OLFM2: variants seen among roughly 807,000 people sequenced by gnomAD.
The protein encoded by OLFM2 is olfactomedin 2.
A neutral mutation model predicts 43.9 loss-of-function variants in OLFM2; 20 were observed. The observed-to-expected ratio is 0.46, with a 90% CI of 0.32 to 0.66. The LOEUF (loss-of-function observed/expected upper bound fraction) is 0.66. Among genes scored for constraint, OLFM2 ranks in the 30% least tolerant of loss-of-function variants. OLFM2 has a pLI of 0.04. For synonymous variants in OLFM2, 268 were observed against 278.6 expected, an observed-to-expected ratio of 0.96 and a Z score of 0.38; for missense variants, 416 against 643.6, an observed-to-expected ratio of 0.65 and a Z score of 3.83.
chr19:9,907,385 G>A (rs537967564), intron 1 of OLFM2, among the ~76,000 whole-genome samples: 98 of 152,088 alleles, frequency 6.4e-4, no homozygotes, highest in African/African-American at 2.3e-3. Flanking sequence ...AACCCGGGAG[G>A]TGATTGAGGG....
At chr19:9,878,682 A>G (rs960682036) in intron 1 of OLFM2, among the ~76,000 whole-genome samples, 1 of 152,124 alleles carries the variant, frequency 6.6e-6, no homozygotes, top group African/African-American at 2.4e-5. Flanking sequence ...AGGAAATACC[A>G]GTGGCTGTTT....
intron 1 of OLFM2, among the ~76,000 whole-genome samples, chr19:9,887,497 C>T (rs1293034640): frequency 6.6e-6 from 1 of 151,926 alleles, no homozygotes; most frequent in Non-Finnish European, 1.5e-5. Flanking sequence ...TTCTCTTATA[C>T]CAATGCATCA....
At chr19:9,889,741 G>T (rs1245084342) in intron 1 of OLFM2, among the ~76,000 whole-genome samples, 1 of 152,122 alleles carries the variant, frequency 6.6e-6, no homozygotes, top group African/African-American at 2.4e-5. Flanking sequence ...GTGCGCCAAT[G>T]CACTGGCGGA....
At chr19:9,912,559 A>C (rs775277334) in intron 1 of OLFM2, among the ~76,000 whole-genome samples, 8 of 151,948 alleles carry the variant, frequency 5.3e-5, no homozygotes, top group Non-Finnish European at 8.8e-5. Context: ...GCATATCTGG[A>C]GGAGGCCCAG....
intron 1 of OLFM2, among the ~76,000 whole-genome samples, chr19:9,880,822 T>A (rs949898087): frequency 6.6e-6 from 1 of 152,080 alleles, no homozygotes; most frequent in Non-Finnish European, 1.5e-5. Flanking sequence ...ACAGCAGACC[T>A]AGTAAACAAA....
At position 9,936,473 on chromosome 19, in the gene OLFM2, G is replaced by A. The variant is rs1208817944; in HGVS notation, c.-107C>T. 3.7e-5 allele frequency: 30 copies of A among 808,926 alleles called. No homozygotes were observed. Among genetic ancestry groups the A allele is most frequent in the Non-Finnish European group, 4.3e-5 (29 of 668,290 alleles). 50.1% of individuals were successfully genotyped at this position (808,926 alleles called of 1,614,324 possible). On this transcript the variant is annotated 5_prime_UTR_variant, in exon 1 of 6. Transcript: ENST00000264833. ...GCCCGCCCGGCCGGGGCGACCCTGC[G>A]CCGCCGCCTCCCCCGCCTCGCCGGC...
intron 5 of OLFM2, among the ~76,000 whole-genome samples, chr19:9,855,175 G>C (rs2046305816): frequency 6.6e-6 from 1 of 151,566 alleles, no homozygotes; most frequent in Non-Finnish European, 1.5e-5. Flanking sequence ...GTTTCTTGGG[G>C]AACTGCATGG....
chr19:9,904,707 A>G (rs1423716112), intron 1 of OLFM2, among the ~76,000 whole-genome samples: 1 of 151,966 alleles, frequency 6.6e-6, no homozygotes, highest in Non-Finnish European at 1.5e-5. Context: ...GAGGACAGAA[A>G]AGCAACTATT....
At chr19:9,929,046 A>T (rs2086468656) in intron 1 of OLFM2, among the ~76,000 whole-genome samples, 1 of 151,866 alleles carries the variant, frequency 6.6e-6, no homozygotes, top group African/African-American at 2.4e-5. Context: ...GCAAGACCCC[A>T]TCTCAAAAAG....
rs1382638570 is a variant in OLFM2 at position 9,856,080 on chromosome 19, C to A, written c.687+727G>T. ...AACATCATTGTTGTCATCATGTTAA[C>A]TAGCATTTGTTGTTGTTTTTGTTTT... is the stretch of plus-strand genomic sequence containing the variant. On this transcript the variant is annotated intron_variant, in intron 5 of 5. Coordinates refer to ENST00000264833, the MANE Select transcript of OLFM2 (RefSeq NM_058164.4). This position sits in a 1 kb window ranked among gnomAD's most constrained non-coding sequence, Gnocchi z 4.0. Among the ~76,000 whole-genome samples the A allele has an allele frequency of 6.6e-6, 1 of 152,138 alleles. No individual in the cohort carries two copies. Among genetic ancestry groups the A allele is most frequent in the Non-Finnish European group, 1.5e-5 (1 of 68,018 alleles).
intron 1 of OLFM2, among the ~76,000 whole-genome samples, chr19:9,912,157 C>G (rs895424366): frequency 2.6e-5 from 4 of 152,084 alleles, no homozygotes; most frequent in African/African-American, 2.4e-5. Flanking sequence ...AGGACATACC[C>G]AAATAATAAA....
chr19:9,876,598 G>C (rs974225179), intron 1 of OLFM2, among the ~76,000 whole-genome samples: 2 of 152,144 alleles, frequency 1.3e-5, no homozygotes, highest in Non-Finnish European at 2.9e-5. Flanking sequence ...CACATTCCAG[G>C]GTTTCAAAGA....
chr19:9,913,549 C>T (rs2144993861), intron 1 of OLFM2: 1 of 1,235,924 alleles, frequency 8.1e-7, no homozygotes, highest in Non-Finnish European at 1.0e-6. Flanking sequence ...GCAGCGTCTG[C>T]GACATCCAGT....
intron 2 of OLFM2, among the ~76,000 whole-genome samples, chr19:9,859,169 C>A (rs1022061842): frequency 6.6e-6 from 1 of 152,204 alleles, no homozygotes; most frequent in African/African-American, 2.4e-5. Context: ...ACTCAGCAGC[C>A]TAATACCCAC....
In OLFM2 at chr19:9,857,752, C is replaced by T. The variant is rs766387397; in HGVS notation, c.323G>A (p.Arg108Gln). ...GGCCGAGAGGGACCCATCAGCTGCCCGGAGCCGCGCATCCAGGCTCCGCAT... is the reference window on the plus strand; with the variant it reads ...GGCCGAGAGGGACCCATCAGCTGCCTGGAGCCGCGCATCCAGGCTCCGCAT... ...TLMRSLDARLRAADGSLSAKS... is the reference protein window; with the variant it reads ...TLMRSLDARLQAADGSLSAKS... Residue 108 changes from arginine (R) to glutamine (Q), a missense_variant, in exon 3 of 6, where the codon CGG becomes CAG. Physicochemically the swap from Arg to Gln is conservative, Grantham distance 43. Coordinates refer to ENST00000264833, the MANE Select transcript of OLFM2 (RefSeq NM_058164.4). The surrounding 1 kb of genome is among the most constrained non-coding windows in gnomAD (Gnocchi z 5.7). The T allele has an allele frequency of 5.0e-6, 8 of 1,614,004 alleles. No individual in the cohort carries two copies. Among genetic ancestry groups the T allele is most frequent in the South Asian group, 1.1e-5 (1 of 91,072 alleles).
intron 1 of OLFM2, among the ~76,000 whole-genome samples, chr19:9,920,741 CAA>C (rs557455889): frequency 0.021 from 2,653 of 126,558 alleles, 95 homozygotes; most frequent in African/African-American, 0.07. Context: ...ACTAAACATA[CAA>C]AAAAAAAAAA....
At chr19:9,913,318 T>C (rs1025592949) in intron 1 of OLFM2, among the ~76,000 whole-genome samples, 1 of 152,002 alleles carries the variant, frequency 6.6e-6, no homozygotes, top group African/African-American at 2.4e-5. Flanking sequence ...CGTCCGACCC[T>C]GGAACCCCGA....
At position 9,854,009 on chromosome 19, in the gene OLFM2, G is replaced by A. The variant is rs915685287; in HGVS notation, c.*177C>T. On this transcript the variant is annotated 3_prime_UTR_variant, in exon 6 of 6. Coordinates refer to ENST00000264833, the MANE Select transcript of OLFM2 (RefSeq NM_058164.4). This position sits in a 1 kb window ranked among gnomAD's most constrained non-coding sequence, Gnocchi z 9.5. The stretch of plus-strand genomic sequence containing the variant: ...AAGCAGAGATCAATAAAGGAGAAGA[G>A]GGGAAATTGAAAAAATAGACAGAAA... 9 of 610,854 alleles carry A rather than the reference G, an allele frequency of 1.5e-5. No individual in the cohort carries two copies. The highest frequency in any genetic ancestry group is 1.2e-4 in the South Asian group (6 of 50,208). The allele number at this position is 610,854 out of a possible 1,614,324, so 37.8% of individuals were successfully genotyped here.
intron 1 of OLFM2, among the ~76,000 whole-genome samples, chr19:9,928,841 T>C (rs1197703388): frequency 6.6e-6 from 1 of 151,892 alleles, no homozygotes; most frequent in African/African-American, 2.4e-5. Context: ...TAAGCTTTTG[T>C]ATACAGTCTT....
Sources: gnomAD v4.1 joint callset for allele counts (sites outside exome capture counted in the v4.1 genomes callset) on GRCh38, gnomAD v4.1.1 for gene constraint, Gnocchi (gnomAD v3.1) non-coding constraint, MANE v1.5 for transcripts, NCBI Gene and HGNC (gene_info 2026-07-23, HGNC 2026-07-21) for gene names.